Variants in SGSM1 observed in about 807,000 individuals in gnomAD.
The protein encoded by SGSM1 is RUN and TBC1 domain containing 2.
A neutral mutation model predicts 133.8 loss-of-function variants in SGSM1; 73 were observed. The observed-to-expected ratio is 0.55, with a 90% confidence interval of 0.45 to 0.66. The LOEUF (loss-of-function observed/expected upper bound fraction) is 0.66. SGSM1 is among the 30% of genes least tolerant of loss of function. SGSM1 has a pLI of 0.00. For synonymous variants in SGSM1, 563 were observed against 573.0 expected, an observed-to-expected ratio of 0.98 and a Z score of 0.25; for missense variants, 1,213 against 1,448.1, an observed-to-expected ratio of 0.84 and a Z score of 2.64.
At chr22:24,824,266 T>G (rs1456894821) in intron 2 of SGSM1, among the ~76,000 whole-genome samples, 1 of 151,748 alleles carries the variant, frequency 6.6e-6, no homozygotes, top group Admixed American at 6.6e-5. Context: ...GACCAGGAGG[T>G]GGGAGTCACC....
intron 20 of SGSM1, among the ~76,000 whole-genome samples, chr22:24,903,639 T>C (rs1410843342): frequency 6.6e-6 from 1 of 150,834 alleles, no homozygotes; most frequent in Admixed American, 6.6e-5. Context: ...GGAGAAATCA[T>C]GGAAGACTTC....
chr22:24,881,638 A>G (rs1228521959), intron 14 of SGSM1, among the ~76,000 whole-genome samples: 3 of 152,220 alleles, frequency 2.0e-5, no homozygotes, highest in Non-Finnish European at 4.4e-5. Context: ...AACTCTGGGA[A>G]CAGTTCCTTG....
At chr22:24,896,750 G>T (rs933349055) in intron 18 of SGSM1, among the ~76,000 whole-genome samples, 1 of 151,788 alleles carries the variant, frequency 6.6e-6, no homozygotes, top group South Asian at 2.1e-4. Context: ...GCCGAGGCAG[G>T]TCAATGACCT....
At chr22:24,866,172 G>A (rs1394474724) in intron 9 of SGSM1, among the ~76,000 whole-genome samples, 2 of 152,156 alleles carry the variant, frequency 1.3e-5, no homozygotes, top group African/African-American at 4.8e-5. Context: ...GCTGGAAATG[G>A]AAACACTTAA....
chr22:24,895,793 C>T (rs8143005), intron 18 of SGSM1, among the ~76,000 whole-genome samples: 1,601 of 152,234 alleles, frequency 0.011, 28 homozygotes, highest in African/African-American at 0.036. Flanking sequence ...CACTTGTAAT[C>T]CCAGCACTTT....
intron 2 of SGSM1, among the ~76,000 whole-genome samples, chr22:24,815,027 C>T (rs1177603656): frequency 6.6e-6 from 1 of 152,142 alleles, no homozygotes; most frequent in Non-Finnish European, 1.5e-5. Context: ...GACAAGGGGG[C>T]TAAGAATGCT....
intron 2 of SGSM1, among the ~76,000 whole-genome samples, chr22:24,821,947 GA>G (rs1193757476): frequency 3.9e-5 from 6 of 152,080 alleles, no homozygotes. Context: ...GTCTGCAGTT[GA>G]CATCGGGGTT....
intron 9 of SGSM1, among the ~76,000 whole-genome samples, chr22:24,865,770 G>A (rs1931413421): frequency 6.6e-6 from 1 of 152,158 alleles, no homozygotes; most frequent in East Asian, 1.9e-4. Context: ...CGGGGAGGGA[G>A]AGAAGGAAGG....
intron 4 of SGSM1, among the ~76,000 whole-genome samples, chr22:24,848,016 C>G (rs372386561): frequency 6.6e-5 from 10 of 152,130 alleles, no homozygotes; most frequent in East Asian, 5.8e-4. Flanking sequence ...TGTCATCATT[C>G]AGACCTATCG....
In SGSM1 at chr22:24,919,866, C is replaced by T; in HGVS notation, c.3066C>T (p.Ile1022=). The T allele has an allele frequency of 1.2e-6, 2 of 1,614,078 alleles. No homozygotes were observed. Among genetic ancestry groups the T allele is most frequent in the Non-Finnish European group, 1.7e-6 (2 of 1,179,910 alleles). The change falls in exon 24 of 25, where the codon ATC becomes ATT. Residue 1022 remains isoleucine (I), a synonymous_variant. Transcript: ENST00000400358. The stretch of plus-strand genomic sequence containing the variant: ...ACGTCTTCTTGGTCTGGGAGACCAT[C>T]TGGGCAGCCAAACACGTCTCCTCTG... ...YDDVFLVWET[I]WAAKHVSSAH...
chr22:24,902,489 A>G (rs1302267627), intron 20 of SGSM1, among the ~76,000 whole-genome samples: 1 of 152,190 alleles, frequency 6.6e-6, no homozygotes, highest in Non-Finnish European at 1.5e-5. Flanking sequence ...TGGCCTGGCA[A>G]CATAGTGAGA....
At chr22:24,890,654 C>T (rs1932799821) in intron 16 of SGSM1, among the ~76,000 whole-genome samples, 1 of 152,158 alleles carries the variant, frequency 6.6e-6, no homozygotes, top group Non-Finnish European at 1.5e-5. Context: ...GATTCTCCTG[C>T]CTCAGCCTCC....
intron 9 of SGSM1, among the ~76,000 whole-genome samples, chr22:24,860,919 AAAAATATATATAT>A (rs1484879367): frequency 8.4e-4 from 79 of 93,632 alleles, no homozygotes; most frequent in East Asian, 1.8e-3. Flanking sequence ...AAAAAAAAAA[AAAAATATATATAT>A]ATATATATAT....
chr22:24,860,322 A>G (rs1274687899), intron 9 of SGSM1, among the ~76,000 whole-genome samples: 2 of 152,134 alleles, frequency 1.3e-5, no homozygotes, highest in Admixed American at 1.3e-4. Flanking sequence ...TCCTGCTGCA[A>G]TGCCTGGGTT....
At chr22:24,874,543 A>C (rs1297691741) in intron 12 of SGSM1, 3 of 1,604,994 alleles carry the variant, frequency 1.9e-6, no homozygotes, top group African/African-American at 1.4e-5. Context: ...ATGGGACACT[A>C]CTCTCCCCAC....
At chr22:24,827,696 G>C (rs1236382066) in intron 2 of SGSM1, among the ~76,000 whole-genome samples, 5 of 151,904 alleles carry the variant, frequency 3.3e-5, no homozygotes, top group Admixed American at 3.3e-4. Flanking sequence ...ATCTCATTCA[G>C]GCCTCCTCAC....
chr22:24,900,354 T>TTCCTTCCTTCCTTCCTTC (rs1569170779), intron 19 of SGSM1, among the ~76,000 whole-genome samples: 1 of 85,520 alleles, frequency 1.2e-5, no homozygotes, highest in African/African-American at 5.4e-5. Context: ...TTTCTTTCTT[T>TTCCTTCCTTCCTTCCTTC]CTTTCTTTCT....
At chr22:24,833,047 G>T (rs548553714) in intron 2 of SGSM1, among the ~76,000 whole-genome samples, 2 of 151,664 alleles carry the variant, frequency 1.3e-5, no homozygotes, top group Non-Finnish European at 2.9e-5. Flanking sequence ...CGATTCTCCT[G>T]CCTCAGCCTC....
intron 4 of SGSM1, among the ~76,000 whole-genome samples, chr22:24,848,354 A>G (rs1345066270): frequency 6.6e-6 from 1 of 152,128 alleles, no homozygotes; most frequent in Non-Finnish European, 1.5e-5. Flanking sequence ...CTCTGTCTGC[A>G]TGGACCAGAC....
Sources: allele counts gnomAD v4.1 joint callset (sites outside exome capture counted in the v4.1 genomes callset), GRCh38; gene constraint gnomAD v4.1.1; transcripts MANE v1.5; gene names NCBI Gene and HGNC (gene_info 2026-07-23, HGNC 2026-07-21).